Variants in DACH1 observed in about 807,000 individuals in gnomAD.
DACH1 encodes the protein dachshund family transcription factor 1.
Under a neutral mutation model 54.2 loss-of-function variants are expected in DACH1, and 12 were observed. The ratio of observed to expected loss-of-function variants is 0.22; its 90% CI spans 0.14 to 0.36. The LOEUF (loss-of-function observed/expected upper bound fraction) is 0.36, where lower values mean the gene tolerates loss of function less well. DACH1 is among the 10% of genes least tolerant of loss of function. The probability of loss-of-function intolerance (pLI) is 1.00; values close to 1 mark genes in which losing one functional copy is unlikely to be tolerated. For synonymous variants in DACH1, 386 were observed against 366.2 expected, an observed-to-expected ratio of 1.05 and a Z score of -0.62; for missense variants, 805 against 929.8, an observed-to-expected ratio of 0.87 and a Z score of 1.75.
At chr13:71,669,071 T>C (rs1310228335) in intron 2 of DACH1, among the ~76,000 whole-genome samples, 4 of 152,080 alleles carry the variant, frequency 2.6e-5, no homozygotes, top group Non-Finnish European at 5.9e-5. Flanking sequence ...CAAAGCAAAT[T>C]ATCTGTTTTA....
At chr13:71,502,108 CA>C (rs918879761) in intron 6 of DACH1, among the ~76,000 whole-genome samples, 1 of 151,978 alleles carries the variant, frequency 6.6e-6, no homozygotes, top group African/African-American at 2.4e-5. Context: ...AATATATATT[CA>C]AAAAATATAA....
chr13:71,574,967 C>T (rs1284659405), intron 3 of DACH1, among the ~76,000 whole-genome samples: 1 of 151,922 alleles, frequency 6.6e-6, no homozygotes, highest in Non-Finnish European at 1.5e-5. Flanking sequence ...CACGCAAGCA[C>T]TATAAATAGA....
intron 6 of DACH1, among the ~76,000 whole-genome samples, chr13:71,555,910 C>T (rs1425276357): frequency 6.6e-6 from 1 of 152,006 alleles, no homozygotes; most frequent in Non-Finnish European, 1.5e-5. Flanking sequence ...CTCAATTATG[C>T]CTAGATGTTA....
At chr13:71,744,057 C>G (rs1218110987) in intron 1 of DACH1, among the ~76,000 whole-genome samples, 1 of 152,112 alleles carries the variant, frequency 6.6e-6, no homozygotes, top group Non-Finnish European at 1.5e-5. Flanking sequence ...TTTTACTGTC[C>G]TGACCTCTGT....
At chr13:71,498,914 A>T (rs961015718) in intron 6 of DACH1, among the ~76,000 whole-genome samples, 1 of 152,134 alleles carries the variant, frequency 6.6e-6, no homozygotes, top group Non-Finnish European at 1.5e-5. Flanking sequence ...AAATTCTAAG[A>T]TCAAGCTATC....
intron 6 of DACH1, among the ~76,000 whole-genome samples, chr13:71,527,792 C>A (rs978459129): frequency 1.3e-5 from 2 of 152,056 alleles, no homozygotes; most frequent in African/African-American, 4.8e-5. Context: ...ATTTCAAAAG[C>A]TATATTGGCT....
In DACH1 at chr13:71,637,050, T is replaced by C. The variant is rs867854625; in HGVS notation, c.965-6333A>G. Among the ~76,000 whole-genome samples, 5 of 152,174 alleles carry C rather than the reference T, an allele frequency of 3.3e-5. No individual in the cohort carries two copies. In the South Asian group the frequency reaches 1.0e-3, roughly 32 times the overall value. Reference sequence around the variant, plus strand: ...ATTCCTGCTAAATTACTGACCAGCATAGAAGTTATTTGTAGTCTAGACTCA... The same window carrying C: ...ATTCCTGCTAAATTACTGACCAGCACAGAAGTTATTTGTAGTCTAGACTCA... On this transcript the variant is annotated intron_variant, in intron 2 of 10. Coordinates refer to ENST00000613252, the MANE Select transcript of DACH1 (RefSeq NM_080759.6).
intron 3 of DACH1, among the ~76,000 whole-genome samples, chr13:71,611,114 T>C (rs577606538): frequency 6.6e-6 from 1 of 152,290 alleles, no homozygotes; most frequent in Admixed American, 6.5e-5. Flanking sequence ...TACAGCAATT[T>C]GAATTTCTCT....
At chr13:71,635,902 T>A (rs1173053171) in intron 2 of DACH1, among the ~76,000 whole-genome samples, 1 of 152,116 alleles carries the variant, frequency 6.6e-6, no homozygotes, top group East Asian at 1.9e-4. Context: ...TGCCTCAGCC[T>A]CCCGAGTAGC....
At chr13:71,711,210 G>T (rs754932559) in intron 1 of DACH1, among the ~76,000 whole-genome samples, 11 of 152,026 alleles carry the variant, frequency 7.2e-5, no homozygotes, top group Admixed American at 2.6e-4. Context: ...GCAATAAAGA[G>T]CATGAAAATA....
chr13:71,559,780 T>C (rs1351989061), intron 5 of DACH1, 40 bp downstream of exon 5: 3 of 1,612,788 alleles, frequency 1.9e-6, no homozygotes, highest in African/African-American at 1.3e-5. Context: ...TGAACCCTAA[T>C]AAAGTTTAAA....
intron 4 of DACH1, among the ~76,000 whole-genome samples, chr13:71,562,351 G>A (rs1884639352): frequency 6.6e-6 from 1 of 152,038 alleles, no homozygotes; most frequent in South Asian, 2.1e-4. Context: ...CTGCAAATAT[G>A]CAAATAAGTG....
At chr13:71,764,939 C>T (rs898383176) in intron 1 of DACH1, among the ~76,000 whole-genome samples, 1 of 151,788 alleles carries the variant, frequency 6.6e-6, no homozygotes, top group Non-Finnish European at 1.5e-5. Flanking sequence ...TTCAAAGCCT[C>T]CTCTCCACTC....
At chr13:71,601,960 T>A (rs966827102) in intron 3 of DACH1, among the ~76,000 whole-genome samples, 1 of 152,018 alleles carries the variant, frequency 6.6e-6, no homozygotes, top group Admixed American at 6.6e-5. Context: ...GATATTTTCA[T>A]ACAGTAAACA....
At chr13:71,796,938 C>G (rs1887080583) in intron 1 of DACH1, among the ~76,000 whole-genome samples, 1 of 151,740 alleles carries the variant, frequency 6.6e-6, no homozygotes, top group African/African-American at 2.4e-5. Flanking sequence ...AAATAGAAAC[C>G]AGCTATTATT....
At chr13:71,724,727 CAG>C (rs1466800936) in intron 1 of DACH1, among the ~76,000 whole-genome samples, 2 of 151,944 alleles carry the variant, frequency 1.3e-5, no homozygotes, top group Non-Finnish European at 2.9e-5. Context: ...GAGTTTTAAA[CAG>C]AGAAGAATTG....
At chr13:71,686,007 T>C (rs1282517716) in intron 1 of DACH1, among the ~76,000 whole-genome samples, 2 of 152,192 alleles carry the variant, frequency 1.3e-5, no homozygotes, top group African/African-American at 4.8e-5. Context: ...TCTTCTGGAA[T>C]GTTCAATTAT....
intron 4 of DACH1, among the ~76,000 whole-genome samples, chr13:71,561,939 C>T (rs555771562): frequency 4.0e-4 from 61 of 151,376 alleles, no homozygotes; most frequent in African/African-American, 1.5e-3. Context: ...AAAATGGTTT[C>T]CTAACATATA....
intron 1 of DACH1, among the ~76,000 whole-genome samples, chr13:71,726,808 C>T (rs115460073): frequency 1.5e-3 from 229 of 151,948 alleles, no homozygotes; most frequent in African/African-American, 5.3e-3. Flanking sequence ...TAATATATCT[C>T]TTATTAAACA....
Sources: gnomAD v4.1 joint callset for allele counts (sites outside exome capture counted in the v4.1 genomes callset) on GRCh38, gnomAD v4.1.1 for gene constraint, MANE v1.5 for transcripts, NCBI Gene and HGNC (gene_info 2026-07-23, HGNC 2026-07-21) for gene names.